The following TMEM38B variants were observed in gnomAD, a reference collection of about 807,000 sequenced individuals.
TMEM38B encodes transmembrane protein 38B, also known as trimeric intracellular cation channel type B.
A neutral mutation model predicts 28.7 loss-of-function variants in TMEM38B; 24 were observed. The ratio of observed to expected loss-of-function variants is 0.84; its 90% CI spans 0.61 to 1.18. The LOEUF (loss-of-function observed/expected upper bound fraction) is 1.18. TMEM38B is among the 50% of genes most tolerant of loss of function. The pLI is 0.00. For synonymous variants in TMEM38B, 131 were observed against 127.7 expected (o/e 1.03, Z -0.17); for missense variants, 380 against 350.9 (o/e 1.08, Z -0.66).
At chr9:105,747,539 A>G (rs1837462149) in intron 4 of TMEM38B, among the ~76,000 whole-genome samples, 1 of 152,036 alleles carries the variant, frequency 6.6e-6, no homozygotes. Context: ...TCCTGGATTC[A>G]TTGATTTTTT....
At chr9:105,727,542 A>G (rs73518160) in intron 4 of TMEM38B, among the ~76,000 whole-genome samples, 5,224 of 152,252 alleles carry the variant, frequency 0.034, 237 homozygotes, top group African/African-American at 0.1. Flanking sequence ...GAGCATCCCA[A>G]ATTCAAAAAC....
At position 105,767,321 on chromosome 9, in the gene TMEM38B, A is replaced by T. The variant is rs184264446; in HGVS notation, c.661-6544A>T. ...TTGATTTATATGTCTATTTCTAGCC[A>T]ATACTAAACTGTCTTAATTACCATA... On this transcript the variant is annotated intron_variant, in intron 5 of 5. Transcript: ENST00000374692. Among the ~76,000 whole-genome samples the T allele has an allele frequency of 5.9e-5, 9 of 152,318 alleles. No individual in the cohort carries two copies. In the East Asian group the frequency reaches 1.2e-3, roughly 20 times the overall value.
Position 105,694,566 on chromosome 9 carries a change from G to C in TMEM38B, c.-95G>C, listed in dbSNP as rs967716377. 3.4e-5 allele frequency: 29 copies of C among 860,854 alleles called. No homozygotes were observed. In the Admixed American group the frequency reaches 5.1e-4, roughly 15 times the overall value. 53.3% of individuals were successfully genotyped at this position (860,854 alleles called of 1,614,324 possible). A position where few individuals can be genotyped will look rare whatever the true frequency, so the allele number is the denominator to read the frequency against. ...GGAGCTGGAGCCGGCGCGGAGGAGCGGGCGGCCGCGGCTGTGCCCTCTCCT... is the reference window on the plus strand; with the variant it reads ...GGAGCTGGAGCCGGCGCGGAGGAGCCGGCGGCCGCGGCTGTGCCCTCTCCT... On this transcript the variant is annotated 5_prime_UTR_variant, in exon 1 of 6. Coordinates refer to ENST00000374692, the MANE Select transcript of TMEM38B (RefSeq NM_018112.3).
intron 4 of TMEM38B, among the ~76,000 whole-genome samples, chr9:105,746,071 T>A (rs1837381016): frequency 6.6e-6 from 1 of 152,212 alleles, no homozygotes; most frequent in Admixed American, 6.5e-5. Context: ...CGGGCTCTTT[T>A]TTGTTTACAT....
At chr9:105,749,909 T>A (rs1461371046) in intron 5 of TMEM38B, among the ~76,000 whole-genome samples, 1 of 152,242 alleles carries the variant, frequency 6.6e-6, no homozygotes, top group African/African-American at 2.4e-5. Flanking sequence ...AGGCCATATG[T>A]TAATTCTGTT....
chr9:105,729,423 C>T (rs1021834302), intron 4 of TMEM38B, among the ~76,000 whole-genome samples: 11 of 152,184 alleles, frequency 7.2e-5, no homozygotes, highest in Admixed American at 3.9e-4. Flanking sequence ...GGTCTCTGTT[C>T]TGTTCCATTG....
intron 5 of TMEM38B, chr9:105,759,251 C>A: frequency 2.8e-6 from 2 of 719,784 alleles, no homozygotes; most frequent in South Asian, 3.2e-5. Context: ...GTGGCTATGT[C>A]ATAGTTTCAG....
chr9:105,697,748 A>C (rs1286278601), intron 1 of TMEM38B, among the ~76,000 whole-genome samples: 5 of 152,142 alleles, frequency 3.3e-5, no homozygotes, highest in African/African-American at 1.2e-4. Context: ...AAATCTCATA[A>C]TATTTTTACT....
intron 4 of TMEM38B, among the ~76,000 whole-genome samples, chr9:105,724,363 G>A (rs1483249559): frequency 2.0e-5 from 3 of 152,052 alleles, no homozygotes; most frequent in East Asian, 1.9e-4. Context: ...GGCTGGGCAC[G>A]GTGGCGTATG....
rs956990892 is a variant in TMEM38B, at chr9:105,704,309, C to T, written c.113-1288C>T. The stretch of plus-strand genomic sequence containing the variant: ...CTACTTGGGAGGCTGAGGCATGAGA[C>T]GTGCTTGAACTCAGGATGCTGAGGT... On this transcript the variant is annotated intron_variant, in intron 1 of 5. Coordinates refer to ENST00000374692, the MANE Select transcript of TMEM38B (RefSeq NM_018112.3). Among the ~76,000 whole-genome samples, 9 of 151,632 alleles carry T rather than the reference C, an allele frequency of 5.9e-5. No individual in the cohort carries two copies. The South Asian group carries it at 1.0e-3, about 18-fold the overall frequency.
intron 1 of TMEM38B, 46 bp from the exon 2 acceptor site, chr9:105,705,551 A>G (rs1835624669): frequency 6.5e-7 from 1 of 1,538,540 alleles, no homozygotes; most frequent in African/African-American, 1.4e-5. Flanking sequence ...GGCTTGTTTA[A>G]TAAATGTATA....
intron 4 of TMEM38B, among the ~76,000 whole-genome samples, chr9:105,741,307 G>T (rs1326804763): frequency 6.6e-6 from 1 of 152,194 alleles, no homozygotes; most frequent in Non-Finnish European, 1.5e-5. Flanking sequence ...ATGGTGTGCT[G>T]CTGTAACAGA....
chr9:105,710,873 G>T (rs1408556157), intron 2 of TMEM38B: 2 of 308,756 alleles, frequency 6.5e-6, no homozygotes, highest in Non-Finnish European at 6.3e-6. Context: ...CAGCCAGAGG[G>T]CTCCGCTATG....
intron 2 of TMEM38B, among the ~76,000 whole-genome samples, chr9:105,707,174 A>G (rs1299995483): frequency 6.6e-6 from 1 of 152,240 alleles, no homozygotes; most frequent in Non-Finnish European, 1.5e-5. Context: ...ATACACGCAG[A>G]TATACAACAT....
chr9:105,703,510 G>A (rs889637984), intron 1 of TMEM38B, among the ~76,000 whole-genome samples: 5 of 152,162 alleles, frequency 3.3e-5, no homozygotes, highest in Non-Finnish European at 7.3e-5. Context: ...ATAAACATAC[G>A]TGTGCATGTG....
intron 5 of TMEM38B, among the ~76,000 whole-genome samples, chr9:105,757,496 T>C (rs1052400493): frequency 6.6e-6 from 1 of 152,220 alleles, no homozygotes. Flanking sequence ...CTGTTTTCCA[T>C]AGTGATTGTA....
At chr9:105,743,943 C>G (rs1383297508) in intron 4 of TMEM38B, among the ~76,000 whole-genome samples, 1 of 152,074 alleles carries the variant, frequency 6.6e-6, no homozygotes, top group Non-Finnish European at 1.5e-5. Context: ...GAAATGTACT[C>G]TTTTTGTTGG....
chr9:105,741,610 C>T (rs539972259), intron 4 of TMEM38B, among the ~76,000 whole-genome samples: 1 of 152,256 alleles, frequency 6.6e-6, no homozygotes, highest in East Asian at 1.9e-4. Context: ...CAATTGTTTG[C>T]CACAGTTGTG....
intron 5 of TMEM38B, chr9:105,760,565 T>C (rs1838004355): frequency 2.7e-6 from 2 of 743,612 alleles, no homozygotes; most frequent in Non-Finnish European, 4.9e-6. Context: ...GAAAATGTTA[T>C]TAAAAACAAG....
Sources: allele counts gnomAD v4.1 joint callset (sites outside exome capture counted in the v4.1 genomes callset), GRCh38; gene constraint gnomAD v4.1.1; transcripts MANE v1.5; gene names NCBI Gene and HGNC (gene_info 2026-07-23, HGNC 2026-07-21).